ACAP1: variants seen among roughly 807,000 people sequenced by gnomAD.
ACAP1 encodes ArfGAP with coiled-coil, ankyrin repeat and PH domains 1.
Under a neutral mutation model 98.8 loss-of-function variants are expected in ACAP1, and 45 were observed. The observed-to-expected ratio is 0.46, with a 90% confidence interval of 0.36 to 0.58. The LOEUF (loss-of-function observed/expected upper bound fraction) is 0.58, where lower values mean the gene tolerates loss of function less well. ACAP1 is among the 20% of genes least tolerant of loss of function. The pLI is 0.00. For synonymous variants in ACAP1, 362 were observed against 375.3 expected (o/e 0.96, Z 0.41); for missense variants, 735 against 971.4 (o/e 0.76, Z 3.24).
chr17:7,348,517 C>A (rs1233829449), intron 17 of ACAP1, 42 bp downstream of exon 17: 4 of 1,444,298 alleles, frequency 2.8e-6, no homozygotes, highest in Non-Finnish European at 3.6e-6. Flanking sequence ...CTGCTGTGTG[C>A]TCGGCATCGT....
intron 17 of ACAP1, 66 bp downstream of exon 17, chr17:7,348,541 G>A (rs137953642): frequency 1.2e-5 from 17 of 1,427,068 alleles, no homozygotes; most frequent in Non-Finnish European, 1.5e-5. Context: ...AGGTAGCGCC[G>A]GGAGGCACAG....
At position 7,350,336 on chromosome 17, in the gene ACAP1, C is replaced by G; in HGVS notation, c.2072+99C>G. On this transcript the variant is annotated intron_variant, in intron 20 of 21. Coordinates refer to ENST00000158762, the MANE Select transcript of ACAP1 (RefSeq NM_014716.4). This position sits in a 1 kb window ranked among gnomAD's most constrained non-coding sequence, Gnocchi z 4.6. ...GGCGGGGCTGACGCCGAAACAGAAG[C>G]CTGTGCTGTGGGGCCTCGGAAAGGG... The G allele has an allele frequency of 6.9e-6, 7 of 1,019,170 alleles. No individual in the cohort carries two copies. Among genetic ancestry groups the G allele is most frequent in the Non-Finnish European group, 1.0e-5 (7 of 696,384 alleles). 63.1% of individuals were successfully genotyped at this position (1,019,170 alleles called of 1,614,324 possible).
intron 12 of ACAP1, 134 bp from the exon 13 acceptor site, chr17:7,346,674 T>C (rs1260086967): frequency 3.3e-6 from 4 of 1,211,126 alleles, no homozygotes; most frequent in Non-Finnish European, 3.5e-6. Context: ...TAGGAGAATA[T>C]TACCAACTGG....
At chr17:7,340,859 TAAAA>T (rs2073268930) in intron 2 of ACAP1, among the ~76,000 whole-genome samples, 2 of 151,604 alleles carry the variant, frequency 1.3e-5, no homozygotes, top group Non-Finnish European at 2.9e-5. Context: ...AATAGAAAAA[TAAAA>T]AGAGATGGGG....
Position 7,336,582 on chromosome 17 carries a change from T to G in ACAP1, c.-153T>G, listed in dbSNP as rs528502984. On this transcript the variant is annotated 5_prime_UTR_variant, in exon 1 of 22. Coordinates refer to ENST00000158762, the MANE Select transcript of ACAP1 (RefSeq NM_014716.4). ...CTCCTCCTAGGACACCCCTTTCCCC[T>G]TGGGGAAAGAATTGTGCCCCCAGGC... 6.9e-6 allele frequency: 5 copies of G among 720,588 alleles called. No individual in the cohort carries two copies. The highest frequency in any genetic ancestry group is 2.7e-5 in the East Asian group (1 of 37,268). The allele number at this position is 720,588 out of a possible 1,614,324, so 44.6% of individuals were successfully genotyped here. A position where few individuals can be genotyped will look rare whatever the true frequency, so the allele number is the denominator to read the frequency against.
Position 7,350,205 on chromosome 17 carries a change from C to T in ACAP1, c.2040C>T (p.Ala680=). Residue 680 remains alanine, a synonymous_variant, in exon 20 of 22, where the codon GCC becomes GCT. Coordinates refer to ENST00000158762, the MANE Select transcript of ACAP1 (RefSeq NM_014716.4). The surrounding 1 kb of genome is among the most constrained non-coding windows in gnomAD (Gnocchi z 4.6). ...DSEGRDPLTI[A]METANADIVT... is the part of the protein sequence containing the mutation. ...AAGGCAGGGACCCTCTGACCATCGC[C>T]ATGGAAACAGCCAACGCTGACATCG... is the stretch of plus-strand genomic sequence containing the variant. The T allele has an allele frequency of 6.2e-7, 1 of 1,614,134 alleles. No homozygotes were observed. The highest frequency in any genetic ancestry group is 8.5e-7 in the Non-Finnish European group (1 of 1,180,004).
intron 10 of ACAP1, chr17:7,345,977 G>C (rs572216826): frequency 2.3e-6 from 1 of 439,238 alleles, no homozygotes; most frequent in African/African-American, 2.0e-5. Flanking sequence ...TGTAGCAATA[G>C]ACATTTTATT....
In ACAP1 at chr17:7,346,857, A is replaced by G. The variant is rs1300286695; in HGVS notation, c.1057A>G (p.Ser353Gly). 3 of 1,613,578 alleles carry G rather than the reference A, an allele frequency of 1.9e-6. No individual in the cohort carries two copies. Among genetic ancestry groups the G allele is most frequent in the Non-Finnish European group, 2.5e-6 (3 of 1,179,552 alleles). ...AGAGCGCCTCCTGCAGCTGTGGGTC[A>G]GTGCTGTGCAGAGCAGCATTGCTTC... ...DSERLLQLWV[S>G]AVQSSIASAF... Residue 353 changes from serine to glycine, a missense_variant, in exon 13 of 22, where the codon AGT becomes GGT. Ser to Gly is a moderately conservative substitution (Grantham distance 56). Around this residue, in one of 5 missense-constraint regions of ACAP1, gnomAD observed 430 missense variants for 531.8 expected, o/e 0.81. Transcript: ENST00000158762.
chr17:7,344,748 C>T lies in ACAP1; in HGVS notation c.854+100C>T. The T allele has an allele frequency of 3.8e-6, 3 of 796,196 alleles. No individual in the cohort carries two copies. Among genetic ancestry groups the T allele is most frequent in the Non-Finnish European group, 6.2e-6 (3 of 483,206 alleles). The allele number at this position is 796,196 out of a possible 1,614,324, so 49.3% of individuals were successfully genotyped here. A position where few individuals can be genotyped will look rare whatever the true frequency, so the allele number is the denominator to read the frequency against. On this transcript the variant is annotated intron_variant, in intron 10 of 21. Transcript: ENST00000158762. The surrounding 1 kb of genome is among the most constrained non-coding windows in gnomAD (Gnocchi z 4.9). Reference sequence around the variant, plus strand: ...CTGCAAGGAAAAACAGACGAACCCCCCTGCCTCAGTAGAGTTTCATTCCAT... The same window carrying T: ...CTGCAAGGAAAAACAGACGAACCCCTCTGCCTCAGTAGAGTTTCATTCCAT...
At chr17:7,342,674 C>G (rs1033305758) in intron 5 of ACAP1, 200 bp downstream of exon 5, 24 of 630,928 alleles carry the variant, frequency 3.8e-5, no homozygotes, top group Non-Finnish European at 5.8e-5. Context: ...CCAAGGCGGG[C>G]GGATCACCTG....
chr17:7,346,326 C>A, intron 11 of ACAP1, 31 bp downstream of exon 11: 1 of 1,613,674 alleles, frequency 6.2e-7, no homozygotes, highest in Non-Finnish European at 8.5e-7. Flanking sequence ...GATGCCTGGG[C>A]CCCAGGGAGA....
In ACAP1 at chr17:7,343,203, A is replaced by G. The variant is rs2073309285; in HGVS notation, c.345-176A>G. 3.4e-6 allele frequency: 2 copies of G among 594,680 alleles called. No individual in the cohort carries two copies. The highest frequency in any genetic ancestry group is 6.5e-5 in the Admixed American group (2 of 30,808). 36.8% of individuals were successfully genotyped at this position (594,680 alleles called of 1,614,324 possible). A position where few individuals can be genotyped will look rare whatever the true frequency, so the allele number is the denominator to read the frequency against. On this transcript the variant is annotated intron_variant, in intron 5 of 21. Transcript: ENST00000158762. The surrounding 1 kb of genome is among the most constrained non-coding windows in gnomAD (Gnocchi z 4.9). ...TTCCCATGGCCACAGGAGCCTCCCCAGTGACGGAGTTGTGAGATTGGGGGT... is the reference window on the plus strand; with the variant it reads ...TTCCCATGGCCACAGGAGCCTCCCCGGTGACGGAGTTGTGAGATTGGGGGT...
intron 14 of ACAP1, chr17:7,347,647 G>C: frequency 7.0e-6 from 4 of 570,012 alleles, no homozygotes; most frequent in Non-Finnish European, 9.4e-6. Flanking sequence ...AGGCCAAAGT[G>C]TCACAAGTGT....
chr17:7,349,742 G>T (rs1296983389), intron 18 of ACAP1: 4 of 508,102 alleles, frequency 7.9e-6, no homozygotes, highest in Non-Finnish European at 1.4e-5. Flanking sequence ...TACCTCAAAA[G>T]CTTGTACTAT....
rs2073404081 is a variant in ACAP1, at chr17:7,351,028, G to A, written c.2122+29G>A. 3 of 1,607,274 alleles carry A rather than the reference G, an allele frequency of 1.9e-6. No homozygotes were observed. In the South Asian group the frequency reaches 3.3e-5, roughly 18 times the overall value. ...AAGAATACACCCACCCCACCCCCCAGGCCCAACACCTGAACTCTGGGCTTC... is the reference window on the plus strand; with the variant it reads ...AAGAATACACCCACCCCACCCCCCAAGCCCAACACCTGAACTCTGGGCTTC... On this transcript the variant is annotated intron_variant, in intron 21 of 21. Transcript: ENST00000158762.
chr17:7,341,598 C>T (rs1456264538), intron 2 of ACAP1, among the ~76,000 whole-genome samples: 1 of 152,140 alleles, frequency 6.6e-6, no homozygotes, highest in Non-Finnish European at 1.5e-5. Flanking sequence ...CAGGAATCTC[C>T]ACGGAGCTCT....
chr17:7,341,916 C>T (rs763818350), intron 2 of ACAP1, 32 bp from the exon 3 acceptor site: 126 of 1,612,648 alleles, frequency 7.8e-5, no homozygotes, highest in Non-Finnish European at 9.9e-5. Flanking sequence ...AGGATGATGG[C>T]ACAGCTCCCT....
chr17:7,339,788 A>G (rs1432759590), intron 2 of ACAP1, among the ~76,000 whole-genome samples: 2 of 152,310 alleles, frequency 1.3e-5, no homozygotes, highest in Non-Finnish European at 2.9e-5. Flanking sequence ...CCACACACCA[A>G]TGGACACAAG....
In ACAP1 at chr17:7,346,314, T is replaced by TGGATGCCTGGGCCCC; in HGVS notation, c.906+20_906+34dup. On this transcript the variant is annotated intron_variant, in intron 11 of 21. Coordinates refer to ENST00000158762, the MANE Select transcript of ACAP1 (RefSeq NM_014716.4). ...GTACAAGGTGAGTGGACCTGGGTCCTGGATGCCTGGGCCCCAGGGAGACTC... is the reference window on the plus strand; with the variant it reads ...GTACAAGGTGAGTGGACCTGGGTCCTGGATGCCTGGGCCCCGGATGCCTGGGCCCCAGGGAGACTC... 6.2e-7 allele frequency: 1 copy of TGGATGCCTGGGCCCC among 1,614,104 alleles called. No homozygotes were observed. Among genetic ancestry groups the TGGATGCCTGGGCCCC allele is most frequent in the Non-Finnish European group, 8.5e-7 (1 of 1,179,916 alleles).
Sources: gnomAD v4.1 joint callset for allele counts (sites outside exome capture counted in the v4.1 genomes callset) on GRCh38, gnomAD v4.1.1 for gene constraint, gnomAD v4.1.1 regional missense constraint, Gnocchi (gnomAD v3.1) non-coding constraint, MANE v1.5 for transcripts, NCBI Gene and HGNC (gene_info 2026-07-23, HGNC 2026-07-21) for gene names.